Variants in GRM1 observed in about 807,000 individuals in gnomAD.
GRM1 encodes the protein glutamate metabotropic receptor 1.
Under a neutral mutation model 90.9 loss-of-function variants are expected in GRM1, and 33 were observed. The ratio of observed to expected loss-of-function variants is 0.36; its 90% confidence interval spans 0.28 to 0.49. GRM1 has a LOEUF of 0.49. Among genes scored for constraint, GRM1 ranks in the 20% least tolerant of loss-of-function variants. GRM1 has a pLI of 0.99. For missense variants in GRM1, 1,190 were observed against 1,534.3 expected, an observed-to-expected ratio of 0.78 and a Z score of 3.75; for synonymous variants, 700 against 613.2, an observed-to-expected ratio of 1.14 and a Z score of -2.09.
chr6:146,305,273 C>T (rs970225883), intron 3 of GRM1, among the ~76,000 whole-genome samples: 4 of 151,992 alleles, frequency 2.6e-5, no homozygotes, highest in Admixed American at 6.6e-5. Context: ...CTAAGCCACA[C>T]GACCAACAAA....
chr6:146,189,497 T>C (rs986106608), intron 2 of GRM1, among the ~76,000 whole-genome samples: 1 of 152,232 alleles, frequency 6.6e-6, no homozygotes, highest in Non-Finnish European at 1.5e-5. Context: ...ATGCTTTCTA[T>C]AAGCATTCTG....
chr6:146,434,860 C>A lies in GRM1; in HGVS notation c.*64C>A, dbSNP rs1778546003. 3.6e-6 allele frequency: 5 copies of A among 1,392,270 alleles called. No homozygotes were observed. Among genetic ancestry groups the A allele is most frequent in the Non-Finnish European group, 5.0e-6 (5 of 993,160 alleles). 86.2% of individuals were successfully genotyped at this position (1,392,270 alleles called of 1,614,324 possible). A position where few individuals can be genotyped will look rare whatever the true frequency, so the allele number is the denominator to read the frequency against. On this transcript the variant is annotated 3_prime_UTR_variant, in exon 8 of 8. Transcript: ENST00000282753. ...GATCTCCCACACCTCCAGAGATGTG[C>A]AAACAGCTGGGAGGAAAAGCCTGGG... is the stretch of plus-strand genomic sequence containing the variant.
chr6:146,262,435 A>G (rs143849692), intron 2 of GRM1, among the ~76,000 whole-genome samples: 1 of 152,166 alleles, frequency 6.6e-6, no homozygotes, highest in African/African-American at 2.4e-5. Flanking sequence ...CTTCATGTAT[A>G]TATATGCTAA....
intron 1 of GRM1, among the ~76,000 whole-genome samples, chr6:146,053,246 A>G (rs1384025131): frequency 6.6e-6 from 1 of 152,084 alleles, no homozygotes; most frequent in Non-Finnish European, 1.5e-5. Context: ...CACAATACTT[A>G]TTGAGAATTT....
intron 1 of GRM1, among the ~76,000 whole-genome samples, chr6:146,045,108 A>G (rs1201036905): frequency 6.6e-6 from 1 of 151,950 alleles, no homozygotes; most frequent in African/African-American, 2.4e-5. Context: ...TTTCCCATAC[A>G]TTTATGAATT....
At chr6:146,049,665 ATC>A (rs1791455389) in intron 1 of GRM1, among the ~76,000 whole-genome samples, 1 of 146,584 alleles carries the variant, frequency 6.8e-6, no homozygotes, top group Admixed American at 6.7e-5. Flanking sequence ...CTATCTATCT[ATC>A]TATCTATCTA....
intron 4 of GRM1, among the ~76,000 whole-genome samples, chr6:146,355,947 C>T (rs1785566838): frequency 6.6e-6 from 1 of 152,174 alleles, no homozygotes; most frequent in Non-Finnish European, 1.5e-5. Flanking sequence ...TCCAGGAGGA[C>T]GAGCACTTTG....
intron 2 of GRM1, among the ~76,000 whole-genome samples, chr6:146,179,017 C>T (rs192997769): frequency 6.6e-6 from 1 of 152,254 alleles, no homozygotes. Context: ...GAGAAATAGA[C>T]AGTGGTCAGA....
Position 146,062,854 on chromosome 6 carries a change from G to A in GRM1, c.700+32637G>A, listed in dbSNP as rs535755123. 1.2e-3 allele frequency among the ~76,000 whole-genome samples: 185 copies of A among 152,190 alleles called. 1 individual carries two copies. Among genetic ancestry groups the A allele is most frequent in the African/African-American group, 4.3e-3 (178 of 41,552 alleles). On this transcript the variant is annotated intron_variant, in intron 1 of 7. Transcript: ENST00000282753. ...TGAAAACCTCATTTTTGAACATTAA[G>A]TAGATATTTTCTAAATTTATTTTAT...
chr6:146,365,910 C>A (rs1468729245), intron 5 of GRM1, among the ~76,000 whole-genome samples: 1 of 152,170 alleles, frequency 6.6e-6, no homozygotes, highest in Non-Finnish European at 1.5e-5. Flanking sequence ...AGGACTTGCA[C>A]GTCCCTGAGG....
intron 1 of GRM1, among the ~76,000 whole-genome samples, chr6:146,123,343 A>AT (rs1776071750): frequency 6.6e-6 from 1 of 152,156 alleles, no homozygotes; most frequent in Non-Finnish European, 1.5e-5. Context: ...TTATATTCTA[A>AT]TTTTAGAGCA....
At chr6:146,383,407 A>G (rs1384821501) in intron 5 of GRM1, among the ~76,000 whole-genome samples, 5 of 152,176 alleles carry the variant, frequency 3.3e-5, no homozygotes, top group African/African-American at 1.2e-4. Context: ...ACAATAATTC[A>G]TGATGGCTCT....
chr6:146,054,186 G>A (rs2128850203), intron 1 of GRM1, among the ~76,000 whole-genome samples: 1 of 152,116 alleles, frequency 6.6e-6, no homozygotes, highest in African/African-American at 2.4e-5. Flanking sequence ...ACCTTGCAAG[G>A]TGCACAGGGA....
chr6:146,265,292 G>C (rs772419258), intron 2 of GRM1, among the ~76,000 whole-genome samples: 2 of 152,086 alleles, frequency 1.3e-5, no homozygotes, highest in Non-Finnish European at 2.9e-5. Flanking sequence ...GTAATGTTGA[G>C]CATTTTTGTA....
rs1403713968 is a variant in GRM1 at position 146,029,526 on chromosome 6, G to T, written c.9G>T (p.Gly3=). 6.2e-7 allele frequency: 1 copy of T among 1,613,526 alleles called. No homozygotes were observed. ...ACCTCGTCCTCACCACCATGGTCGG[G>T]CTCCTTTTGTTTTTTTTCCCAGCGA... is the stretch of plus-strand genomic sequence containing the variant. The part of the protein sequence containing the change: MV[G]LLLFFFPAIF... The change falls in exon 1 of 8, where the codon GGG becomes GGT. Residue 3 remains glycine, a synonymous_variant. Transcript: ENST00000282753.
At chr6:146,120,591 T>G (rs999931784) in intron 1 of GRM1, among the ~76,000 whole-genome samples, 5 of 152,232 alleles carry the variant, frequency 3.3e-5, no homozygotes, top group African/African-American at 1.2e-4. Flanking sequence ...AAATAGTTCT[T>G]ATTATTTTGA....
chr6:146,188,364 G>A (rs538637759), intron 2 of GRM1, among the ~76,000 whole-genome samples: 1 of 152,126 alleles, frequency 6.6e-6, no homozygotes, highest in African/African-American at 2.4e-5. Context: ...TCTTGTAGTA[G>A]CACTCAGGAT....
rs535920547 is a variant in GRM1, at chr6:146,320,227, G to A, written c.1186+15381G>A. On this transcript the variant is annotated intron_variant, in intron 3 of 7. Coordinates refer to ENST00000282753, the MANE Select transcript of GRM1 (RefSeq NM_001278064.2). Reference sequence around the variant, plus strand: ...TCTACATCTATTGAGATAATCATGTGGTTTTTGCCATTGGTTCTGTTTCTG... The same window carrying A: ...TCTACATCTATTGAGATAATCATGTAGTTTTTGCCATTGGTTCTGTTTCTG... Among the ~76,000 whole-genome samples the A allele has an allele frequency of 4.1e-4, 62 of 152,200 alleles. No individual in the cohort carries two copies. The South Asian group carries it at 0.013, about 31-fold the overall frequency.
At chr6:146,424,544 CA>C (rs1778127215) in intron 7 of GRM1, among the ~76,000 whole-genome samples, 1 of 152,200 alleles carries the variant, frequency 6.6e-6, no homozygotes, top group Non-Finnish European at 1.5e-5. Flanking sequence ...CCATCACTTG[CA>C]AAACACAAAT....
Sources: gnomAD v4.1 joint callset for allele counts (sites outside exome capture counted in the v4.1 genomes callset) on GRCh38, gnomAD v4.1.1 for gene constraint, MANE v1.5 for transcripts, NCBI Gene and HGNC (gene_info 2026-07-23, HGNC 2026-07-21) for gene names.